Variants in STK31 observed in about 807,000 individuals in gnomAD.
STK31 encodes the protein serine/threonine-protein kinase 31.
In STK31, 89 loss-of-function variants were observed where a neutral mutation model predicts 129.7. That is an observed-to-expected ratio of 0.69 (90% CI 0.58 to 0.82). The LOEUF is 0.82. STK31 is among the 40% of genes least tolerant of loss of function. The probability of loss-of-function intolerance (pLI) is 0.00; values close to 1 mark genes in which losing one functional copy is unlikely to be tolerated. For synonymous variants in STK31, 448 were observed against 395.3 expected (o/e 1.13, Z -1.58); for missense variants, 1,187 against 1,176.4 (o/e 1.01, Z -0.13).
chr7:23,721,368 A>AT (rs1456018590), intron 4 of STK31: 2 of 911,456 alleles, frequency 2.2e-6, no homozygotes, highest in Non-Finnish European at 3.6e-6. Context: ...CAGCGTTGTG[A>AT]TTTTTTTCTC....
chr7:23,737,587 A>C (rs957808789), intron 8 of STK31, among the ~76,000 whole-genome samples: 2 of 152,238 alleles, frequency 1.3e-5, no homozygotes, highest in African/African-American at 4.8e-5. Flanking sequence ...TATTATTTAT[A>C]TCCAGGCAGT....
chr7:23,807,365 G>T (rs1792775110), intron 22 of STK31, among the ~76,000 whole-genome samples: 1 of 152,122 alleles, frequency 6.6e-6, no homozygotes, highest in Admixed American at 6.5e-5. Flanking sequence ...ATTTGGAAAA[G>T]ATTGTGCTAC....
At chr7:23,781,921 C>A (rs1394636970) in intron 16 of STK31, among the ~76,000 whole-genome samples, 2 of 152,152 alleles carry the variant, frequency 1.3e-5, no homozygotes, top group Non-Finnish European at 2.9e-5. Context: ...CTTTTCCTTA[C>A]ATCAACGTCA....
intron 21 of STK31, among the ~76,000 whole-genome samples, chr7:23,790,334 T>G (rs1933841507): frequency 6.6e-6 from 1 of 152,060 alleles, no homozygotes; most frequent in Non-Finnish European, 1.5e-5. Context: ...AGCAAATAAA[T>G]AGGAGAGTGG....
intron 4 of STK31, among the ~76,000 whole-genome samples, chr7:23,720,736 G>A (rs1786642581): frequency 6.6e-6 from 1 of 152,062 alleles, no homozygotes; most frequent in African/African-American, 2.4e-5. Flanking sequence ...GAAGTAGCAG[G>A]ACTGTAAAAT....
chr7:23,723,324 C>G (rs1786841606), intron 4 of STK31, among the ~76,000 whole-genome samples: 1 of 152,076 alleles, frequency 6.6e-6, no homozygotes, highest in Non-Finnish European at 1.5e-5. Flanking sequence ...TATATGATTC[C>G]TTGACAGATT....
intron 7 of STK31, 100 bp from the exon 8 acceptor site, chr7:23,736,803 CA>C (rs1295484141): frequency 1.1e-6 from 1 of 906,524 alleles, no homozygotes; most frequent in African/African-American, 1.7e-5. Flanking sequence ...AATTAACTTT[CA>C]GATATATTGT....
intron 17 of STK31, among the ~76,000 whole-genome samples, chr7:23,784,137 T>A (rs1043136071): frequency 6.6e-6 from 1 of 152,090 alleles, no homozygotes; most frequent in Non-Finnish European, 1.5e-5. Context: ...AAGCTGGAGA[T>A]CAGCATATTA....
chr7:23,751,993 A>G (rs888339095), intron 8 of STK31, among the ~76,000 whole-genome samples: 1 of 152,022 alleles, frequency 6.6e-6, no homozygotes, highest in Non-Finnish European at 1.5e-5. Context: ...GATAGGGAGT[A>G]GTGTTTGAGA....
At chr7:23,826,636 T>G (rs1424905933) in intron 23 of STK31, among the ~76,000 whole-genome samples, 1 of 152,214 alleles carries the variant, frequency 6.6e-6, no homozygotes, top group African/African-American at 2.4e-5. Context: ...TTTGATCCTG[T>G]CATTATGATG....
intron 4 of STK31, among the ~76,000 whole-genome samples, chr7:23,724,111 A>T (rs73080951): frequency 0.078 from 11,889 of 152,258 alleles, 505 homozygotes; most frequent in Middle Eastern, 0.13. Context: ...TGGTTACAAA[A>T]AGCAAGGTAC....
intron 21 of STK31, 111 bp from the exon 22 acceptor site, chr7:23,790,713 A>T (rs1791563654): frequency 3.8e-6 from 4 of 1,057,920 alleles, no homozygotes; most frequent in Non-Finnish European, 5.2e-6. Flanking sequence ...AAGCAAGGGA[A>T]TGAAATATTT....
chr7:23,832,283 A>T lies in STK31; in HGVS notation c.2977A>T (p.Lys993Ter). The T allele has an allele frequency of 6.2e-7, 1 of 1,613,988 alleles. No individual in the cohort carries two copies. The highest frequency in any genetic ancestry group is 8.5e-7 in the Non-Finnish European group (1 of 1,179,924). Residue 993 changes from lysine to a stop codon, truncating the protein, a stop_gained, in exon 24 of 24, where the codon AAA becomes TAA. Coordinates refer to ENST00000355870, the MANE Select transcript of STK31 (RefSeq NM_031414.5). LOFTEE classifies it high-confidence loss of function. ...AAAAGATACTGAATACACCCTATAT[A>T]AAAAGGAAGAAGAAATAAAGACGGA... ...PEKDTEYTLY[K>*]KEEEIKTENL...
At chr7:23,831,176 T>A (rs1583356698) in intron 23 of STK31, among the ~76,000 whole-genome samples, 3 of 152,312 alleles carry the variant, frequency 2.0e-5, no homozygotes, top group East Asian at 3.9e-4. Flanking sequence ...AAAATCAGTT[T>A]TTTTAAAATT....
At chr7:23,740,079 A>G (rs1010629329) in intron 8 of STK31, among the ~76,000 whole-genome samples, 1 of 152,096 alleles carries the variant, frequency 6.6e-6, no homozygotes, top group Non-Finnish European at 1.5e-5. Context: ...GGCCATTTTC[A>G]TGGTATTGAT....
At chr7:23,828,689 G>A (rs367820703) in intron 23 of STK31, among the ~76,000 whole-genome samples, 1 of 151,996 alleles carries the variant, frequency 6.6e-6, no homozygotes, top group South Asian at 2.1e-4. Flanking sequence ...CGTCGCTCAC[G>A]CTGGGAGCTG....
chr7:23,712,551 C>T (rs1013770264), intron 3 of STK31, among the ~76,000 whole-genome samples: 3 of 152,154 alleles, frequency 2.0e-5, no homozygotes, highest in Non-Finnish European at 2.9e-5. Flanking sequence ...GAATTCCACT[C>T]AATTCTAGGC....
chr7:23,786,676 T>G, intron 19 of STK31, 43 bp downstream of exon 19: 2 of 1,588,594 alleles, frequency 1.3e-6, no homozygotes, highest in Non-Finnish European at 1.7e-6. Context: ...CATTTTATCT[T>G]GCAGAAACTA....
At chr7:23,798,449 T>C (rs1792138691) in intron 22 of STK31, among the ~76,000 whole-genome samples, 1 of 120,806 alleles carries the variant, frequency 8.3e-6, no homozygotes, top group Non-Finnish European at 1.8e-5. Context: ...GTTCAACATA[T>C]GCAAATCAGT....
Sources: gnomAD v4.1 joint callset for allele counts (sites outside exome capture counted in the v4.1 genomes callset) on GRCh38, gnomAD v4.1.1 for gene constraint, MANE v1.5 for transcripts, NCBI Gene and HGNC (gene_info 2026-07-23, HGNC 2026-07-21) for gene names.